The following RARB variants were observed in gnomAD, a reference collection of about 807,000 sequenced individuals.
RARB encodes the protein HBV-activated protein.
Under a neutral mutation model 51.9 loss-of-function variants are expected in RARB, and 17 were observed. That is an observed-to-expected ratio of 0.33 (90% CI 0.22 to 0.49). RARB has a LOEUF of 0.49. RARB is among the 20% of genes least tolerant of loss of function. RARB has a pLI of 0.99. For synonymous variants in RARB, 215 were observed against 195.4 expected (o/e 1.10, Z -0.84); for missense variants, 369 against 550.8 (o/e 0.67, Z 3.30).
intron 5 of RARB, among the ~76,000 whole-genome samples, chr3:25,363,842 G>C (rs748486091): frequency 1.3e-5 from 2 of 152,108 alleles, no homozygotes; most frequent in East Asian, 3.8e-4. Flanking sequence ...CTCTTTCTCT[G>C]ACTTGGCTCC....
At chr3:25,320,277 C>G (rs1400248776) in intron 5 of RARB, among the ~76,000 whole-genome samples, 1 of 152,100 alleles carries the variant, frequency 6.6e-6, no homozygotes, top group Non-Finnish European at 1.5e-5. Flanking sequence ...CCTTCATTAT[C>G]TTCCTCAAAA....
chr3:25,161,716 G>T (rs1358257604), intron 4 of RARB, among the ~76,000 whole-genome samples: 1 of 152,110 alleles, frequency 6.6e-6, no homozygotes, highest in Non-Finnish European at 1.5e-5. Context: ...AGTTTTGTGT[G>T]TGTATCTTAC....
chr3:25,219,655 T>C (rs1559510615), intron 5 of RARB, among the ~76,000 whole-genome samples: 1 of 152,188 alleles, frequency 6.6e-6, no homozygotes, highest in African/African-American at 2.4e-5. Context: ...CCCCGTCTTA[T>C]CAGCATCTTC....
At chr3:25,282,279 A>G (rs148782497) in intron 5 of RARB, among the ~76,000 whole-genome samples, 1 of 152,118 alleles carries the variant, frequency 6.6e-6, no homozygotes, top group South Asian at 2.1e-4. Context: ...ACTCCCAGTG[A>G]GGGGCCTTTG....
chr3:25,188,464 A>T (rs1221960831), intron 5 of RARB, among the ~76,000 whole-genome samples: 1 of 152,166 alleles, frequency 6.6e-6, no homozygotes, highest in Admixed American at 6.6e-5. Context: ...TATTTCCAAG[A>T]AATTAACCCT....
chr3:25,127,676 G>A (rs543973723), intron 3 of RARB, among the ~76,000 whole-genome samples: 23 of 152,120 alleles, frequency 1.5e-4, no homozygotes, highest in East Asian at 9.7e-4. Flanking sequence ...GAAAAGAAAC[G>A]AAGGAGCGAA....
At chr3:25,032,221 G>C (rs138514634) in intron 2 of RARB, among the ~76,000 whole-genome samples, 1 of 152,178 alleles carries the variant, frequency 6.6e-6, no homozygotes, top group South Asian at 2.1e-4. Flanking sequence ...AAAGACATCC[G>C]CAATCAGTGA....
At chr3:24,920,378 A>G (rs907870562) in intron 2 of RARB, among the ~76,000 whole-genome samples, 1 of 152,228 alleles carries the variant, frequency 6.6e-6, no homozygotes, top group African/African-American at 2.4e-5. Context: ...TTAAAATTAG[A>G]AAACTTCAAA....
At chr3:25,279,087 C>A (rs1422251791) in intron 5 of RARB, among the ~76,000 whole-genome samples, 1 of 152,134 alleles carries the variant, frequency 6.6e-6, no homozygotes, top group Non-Finnish European at 1.5e-5. Flanking sequence ...TTTTTATAAC[C>A]CATCCACACA....
chr3:25,409,242 T>A (rs1477902072), intron 5 of RARB, among the ~76,000 whole-genome samples: 2 of 151,954 alleles, frequency 1.3e-5, no homozygotes, highest in South Asian at 2.1e-4. Context: ...AGAAAAAAAA[T>A]TTTCACCTAT....
intron 1 of RARB, among the ~76,000 whole-genome samples, chr3:25,458,565 A>G (rs1373558358): frequency 2.0e-5 from 3 of 152,190 alleles, no homozygotes; most frequent in Non-Finnish European, 4.4e-5. Flanking sequence ...CTTTAGTGAC[A>G]TCTCAGATAC....
At chr3:25,263,630 A>G (rs1216157668) in intron 5 of RARB, among the ~76,000 whole-genome samples, 1 of 152,192 alleles carries the variant, frequency 6.6e-6, no homozygotes, top group Admixed American at 6.5e-5. Context: ...AGTGTAAAAA[A>G]TGAGCCATGT....
chr3:25,367,817 C>CAAAAAAAAAAAAAAA (rs369165017), intron 5 of RARB, among the ~76,000 whole-genome samples: 2 of 125,576 alleles, frequency 1.6e-5, no homozygotes, highest in African/African-American at 3.2e-5. Context: ...AAAAAACAAG[C>CAAAAAAAAAAAAAAA]AAAAAAAAAA....
chr3:24,973,283 G>T (rs988980429), intron 2 of RARB, among the ~76,000 whole-genome samples: 1 of 152,012 alleles, frequency 6.6e-6, no homozygotes, highest in Non-Finnish European at 1.5e-5. Flanking sequence ...TGAGTTGGCT[G>T]TAAAAGTGTA....
At chr3:24,879,484 ATTTTTTT>A (rs11417502) in intron 2 of RARB, among the ~76,000 whole-genome samples, 2 of 121,474 alleles carry the variant, frequency 1.6e-5, no homozygotes, top group African/African-American at 3.1e-5. Flanking sequence ...AAGGATCTCC[ATTTTTTT>A]TTTTTTTTTT....
At chr3:25,549,750 G>A (rs1344114574) in intron 3 of RARB, among the ~76,000 whole-genome samples, 1 of 152,120 alleles carries the variant, frequency 6.6e-6, no homozygotes, top group Admixed American at 6.5e-5. Flanking sequence ...GAAAGTCATA[G>A]TTTGCTGCCA....
At chr3:25,394,320 A>G (rs1054433184) in intron 5 of RARB, among the ~76,000 whole-genome samples, 1 of 152,136 alleles carries the variant, frequency 6.6e-6, no homozygotes, top group African/African-American at 2.4e-5. Flanking sequence ...GACCTAATAT[A>G]TGGCCTATCT....
rs1222345608 is a variant in RARB, at chr3:25,501,332, A to G, written c.448+9A>G. 6.2e-7 allele frequency: 1 copy of G among 1,606,744 alleles called. No individual in the cohort carries two copies. The highest frequency in any genetic ancestry group is 8.5e-7 in the Non-Finnish European group (1 of 1,178,296). On this transcript the variant is annotated intron_variant, in intron 3 of 7. Coordinates refer to ENST00000330688, the MANE Select transcript of RARB (RefSeq NM_000965.5). ...GGGAATGTCCAAAGAATGTAAGTGGAGTCTCAAAAAACTTTTTCCCTGTTT... is the reference window on the plus strand; with the variant it reads ...GGGAATGTCCAAAGAATGTAAGTGGGGTCTCAAAAAACTTTTTCCCTGTTT...
chr3:25,542,550 A>G (rs1363393097), intron 3 of RARB, among the ~76,000 whole-genome samples: 1 of 152,266 alleles, frequency 6.6e-6, no homozygotes, highest in Non-Finnish European at 1.5e-5. Flanking sequence ...TGTAGTATTA[A>G]TAAAAGCTGT....
Sources: gnomAD v4.1 joint callset for allele counts (sites outside exome capture counted in the v4.1 genomes callset) on GRCh38, gnomAD v4.1.1 for gene constraint, MANE v1.5 for transcripts, NCBI Gene and HGNC (gene_info 2026-07-23, HGNC 2026-07-21) for gene names.